Variants in KCTD16 observed in about 807,000 individuals in gnomAD.
KCTD16 encodes potassium channel tetramerization domain containing 16.
A neutral mutation model predicts 33.2 loss-of-function variants in KCTD16; 13 were observed. The observed-to-expected ratio is 0.39, with a 90% CI of 0.25 to 0.62. The LOEUF is 0.62. KCTD16 is among the 20% of genes least tolerant of loss of function. The pLI, the probability that KCTD16 is intolerant of heterozygous loss-of-function variation, is 0.50. For synonymous variants in KCTD16, 197 were observed against 195.3 expected (o/e 1.01, Z -0.07); for missense variants, 441 against 525.1 (o/e 0.84, Z 1.57).
At chr5:144,227,383 A>G (rs1753965890) in intron 3 of KCTD16, among the ~76,000 whole-genome samples, 1 of 152,178 alleles carries the variant, frequency 6.6e-6, no homozygotes, top group Admixed American at 6.5e-5. Context: ...AGAAGCTTAG[A>G]AGGGTAGTGT....
At chr5:144,299,245 T>A (rs1156519098) in intron 3 of KCTD16, among the ~76,000 whole-genome samples, 3 of 146,972 alleles carry the variant, frequency 2.0e-5, no homozygotes, top group Non-Finnish European at 4.5e-5. Flanking sequence ...ATCTTCAACC[T>A]CTTTCATTTT....
At chr5:144,177,670 T>C (rs6650973) in intron 2 of KCTD16, among the ~76,000 whole-genome samples, 1 of 152,192 alleles carries the variant, frequency 6.6e-6, no homozygotes, top group South Asian at 2.1e-4. Context: ...TTTCCCTTTT[T>C]TAAGAGCACG....
chr5:144,373,240 C>A (rs779676142), intron 3 of KCTD16, among the ~76,000 whole-genome samples: 3 of 152,022 alleles, frequency 2.0e-5, no homozygotes, highest in Non-Finnish European at 4.4e-5. Context: ...CTTGATCTTG[C>A]CCTACTTTCT....
chr5:144,472,184 A>G (rs1754492082), intron 3 of KCTD16, among the ~76,000 whole-genome samples: 1 of 152,246 alleles, frequency 6.6e-6, no homozygotes, highest in African/African-American at 2.4e-5. Flanking sequence ...GTACTACGTT[A>G]TCCTTGTCCT....
intron 3 of KCTD16, among the ~76,000 whole-genome samples, chr5:144,403,543 A>G (rs1209403382): frequency 6.6e-6 from 1 of 152,150 alleles, no homozygotes; most frequent in Non-Finnish European, 1.5e-5. Flanking sequence ...GGGGCATGGA[A>G]CAGATTCTCC....
At chr5:144,350,006 G>A (rs1303017062) in intron 3 of KCTD16, among the ~76,000 whole-genome samples, 2 of 152,110 alleles carry the variant, frequency 1.3e-5, no homozygotes, top group East Asian at 1.9e-4. Context: ...GCCAAATTCT[G>A]CACATTTTAT....
intron 3 of KCTD16, among the ~76,000 whole-genome samples, chr5:144,220,661 G>C (rs973178607): frequency 6.6e-6 from 1 of 152,164 alleles, no homozygotes; most frequent in Non-Finnish European, 1.5e-5. Context: ...AATGAAAAGG[G>C]CCAGGTGCAG....
At chr5:144,387,185 C>T (rs1472672337) in intron 3 of KCTD16, among the ~76,000 whole-genome samples, 3 of 141,854 alleles carry the variant, frequency 2.1e-5, no homozygotes, top group South Asian at 2.3e-4. Flanking sequence ...ACTTTGTTGC[C>T]GAGGCTGCTC....
chr5:144,329,747 A>C (rs889447579), intron 3 of KCTD16, among the ~76,000 whole-genome samples: 1 of 152,342 alleles, frequency 6.6e-6, no homozygotes, highest in South Asian at 2.1e-4. Flanking sequence ...CAGAAACACA[A>C]GTAGTTGCCT....
At chr5:144,278,209 G>A (rs1447591979) in intron 3 of KCTD16, among the ~76,000 whole-genome samples, 1 of 151,928 alleles carries the variant, frequency 6.6e-6, no homozygotes, top group Non-Finnish European at 1.5e-5. Flanking sequence ...AATGTGTGAG[G>A]TGGAAACTTT....
chr5:144,188,717 T>A (rs960703155), intron 2 of KCTD16, among the ~76,000 whole-genome samples: 1 of 152,128 alleles, frequency 6.6e-6, no homozygotes. Flanking sequence ...GATAAATAAC[T>A]TGAGTTATGA....
chr5:144,216,566 G>A (rs1265171744), intron 3 of KCTD16, among the ~76,000 whole-genome samples: 3 of 152,094 alleles, frequency 2.0e-5, no homozygotes, highest in Non-Finnish European at 2.9e-5. Flanking sequence ...ACTGTCAGCC[G>A]GGCGCGGTGG....
At chr5:144,278,499 TTTTTTTTTTGAGACGGAGTCTC>T (rs1755502677) in intron 3 of KCTD16, among the ~76,000 whole-genome samples, 2 of 140,544 alleles carry the variant, frequency 1.4e-5, no homozygotes, top group Admixed American at 1.4e-4. Flanking sequence ...TTTTTTTTTT[TTTTTTTTTTGAGACGGAGTCTC>T]GCTCTGTCGC....
intron 3 of KCTD16, among the ~76,000 whole-genome samples, chr5:144,216,810 C>T (rs1277532503): frequency 6.6e-6 from 1 of 150,864 alleles, no homozygotes; most frequent in Non-Finnish European, 1.5e-5. Flanking sequence ...CGCCACTGCA[C>T]CCCAGCCTAG....
intron 3 of KCTD16, among the ~76,000 whole-genome samples, chr5:144,299,909 AAAAAAAC>A (rs781169760): frequency 1.5e-4 from 22 of 145,528 alleles, no homozygotes; most frequent in South Asian, 8.4e-4. Flanking sequence ...AAAAAAAAAA[AAAAAAAC>A]AAAAAACAAA....
At chr5:144,424,214 G>A (rs1753272535) in intron 3 of KCTD16, among the ~76,000 whole-genome samples, 1 of 152,130 alleles carries the variant, frequency 6.6e-6, no homozygotes, top group African/African-American at 2.4e-5. Flanking sequence ...CCTAAAACCT[G>A]CTCTTGTACT....
At chr5:144,349,817 T>A (rs1206507039) in intron 3 of KCTD16, among the ~76,000 whole-genome samples, 1 of 152,224 alleles carries the variant, frequency 6.6e-6, no homozygotes, top group Non-Finnish European at 1.5e-5. Context: ...ACTGAAGTCC[T>A]GCTCTCTGTG....
At chr5:144,435,558 A>T (rs892995877) in intron 3 of KCTD16, among the ~76,000 whole-genome samples, 4 of 152,242 alleles carry the variant, frequency 2.6e-5, no homozygotes, top group African/African-American at 9.6e-5. Context: ...ATTAGATATT[A>T]CAAACAAAAT....
At chr5:144,286,585 G>A (rs1755751991) in intron 3 of KCTD16, among the ~76,000 whole-genome samples, 1 of 152,184 alleles carries the variant, frequency 6.6e-6, no homozygotes, top group Admixed American at 6.5e-5. Context: ...ATTAAACATT[G>A]TTTAGGCATG....
Sources: allele counts gnomAD v4.1 joint callset (sites outside exome capture counted in the v4.1 genomes callset), GRCh38; gene constraint gnomAD v4.1.1; transcripts MANE v1.5; gene names NCBI Gene and HGNC (gene_info 2026-07-23, HGNC 2026-07-21).